ATP2B4: variants seen among roughly 807,000 people sequenced by gnomAD.
ATP2B4 encodes the protein plasma membrane calcium-transporting ATPase 4.
A neutral mutation model predicts 110.3 loss-of-function variants in ATP2B4; 39 were observed. The ratio of observed to expected loss-of-function variants is 0.35; its 90% CI spans 0.27 to 0.46. The LOEUF is 0.46. Ranked by LOEUF, ATP2B4 falls within the 20% of genes least tolerant of loss-of-function variation. The probability of loss-of-function intolerance (pLI) is 1.00; values close to 1 mark genes in which losing one functional copy is unlikely to be tolerated. For missense variants in ATP2B4, 1,135 were observed against 1,530.9 expected (o/e 0.74, Z 4.32); for synonymous variants, 538 against 571.7 (o/e 0.94, Z 0.84).
At chr1:203,679,128 C>A (rs915502397) in intron 1 of ATP2B4, among the ~76,000 whole-genome samples, 1 of 151,862 alleles carries the variant, frequency 6.6e-6, no homozygotes, top group African/African-American at 2.4e-5. Context: ...ATGCCCCAAG[C>A]CGAATGACTA....
At chr1:203,706,924 G>T (rs1665865142) in intron 8 of ATP2B4, 85 bp from the exon 9 acceptor site, 33 of 1,185,398 alleles carry the variant, frequency 2.8e-5, no homozygotes. Flanking sequence ...GGCAACAAAG[G>T]CTACAACTGA....
rs146667153 is a variant in ATP2B4 at position 203,723,422 on chromosome 1, C to A, written c.3025-459C>A. Among the ~76,000 whole-genome samples, 521 of 86,696 alleles carry A rather than the reference C, an allele frequency of 6.0e-3. 9 individuals carry two copies. The highest frequency in any genetic ancestry group is 0.023 in the African/African-American group (450 of 19,770). 56.9% of individuals were successfully genotyped at this position (86,696 alleles called of 152,430 possible). On this transcript the variant is annotated intron_variant, in intron 18 of 20. Coordinates refer to ENST00000357681, the MANE Select transcript of ATP2B4 (RefSeq NM_001684.5). ...TTTTTTTTTCGTTTGAGACAGATAT[C>A]TCTCTCTCTCTCTCTCTCTCTCTCT...
intron 20 of ATP2B4, 137 bp from the exon 21 acceptor site, chr1:203,739,409 G>A (rs2102244181): frequency 1.2e-6 from 1 of 820,540 alleles, no homozygotes; most frequent in African/African-American, 1.7e-5. Context: ...CTTCTGATGT[G>A]TGTTTGGTTT....
chr1:203,713,448 G>GTTT (rs779704853), intron 14 of ATP2B4, among the ~76,000 whole-genome samples, 196 bp downstream of exon 14: 8 of 151,808 alleles, frequency 5.3e-5, no homozygotes, highest in African/African-American at 1.9e-4. Context: ...AAGTTGTTGG[G>GTTT]TTTTTATTTT....
chr1:203,703,198 A>G (rs1665747208), intron 7 of ATP2B4, among the ~76,000 whole-genome samples: 1 of 148,956 alleles, frequency 6.7e-6, no homozygotes, highest in Non-Finnish European at 1.5e-5. Context: ...AGAGAGAGAG[A>G]TAAACCATTT....
Position 203,683,378 on chromosome 1 carries a change from T to C in ATP2B4, c.173T>C (p.Leu58Pro). 6.2e-7 allele frequency: 1 copy of C among 1,611,268 alleles called. No individual in the cohort carries two copies. The highest frequency in any genetic ancestry group is 8.5e-7 in the Non-Finnish European group (1 of 1,178,330). Reference protein sequence around the residue: ...YGGVQNLCSRLKTSPVEGLSG... With the variant: ...YGGVQNLCSRPKTSPVEGLSG... The stretch of plus-strand genomic sequence containing the variant: ...GGTGTACAGAATCTCTGCAGTAGAC[T>C]GAAAACCTCCCCTGTGGAAGGTAAA... The change falls in exon 2 of 21, where the codon CTG becomes CCG. Residue 58 changes from leucine (L) to proline (P), a missense_variant. By Grantham distance (98) the Leu-to-Pro change is moderately conservative. This residue lies in a region of ATP2B4 where 122 missense variants were observed against 125.2 expected (regional missense o/e 0.97). Coordinates refer to ENST00000357681, the MANE Select transcript of ATP2B4 (RefSeq NM_001684.5).
At chr1:203,698,404 C>T (rs775355177) in intron 3 of ATP2B4, 50 bp downstream of exon 3, 8 of 1,579,194 alleles carry the variant, frequency 5.1e-6, no homozygotes, top group African/African-American at 2.7e-5. Flanking sequence ...TTCTTTCCAC[C>T]ACCACCACCA....
intron 1 of ATP2B4, among the ~76,000 whole-genome samples, chr1:203,664,667 G>A (rs1035866256): frequency 2.6e-5 from 4 of 152,114 alleles, no homozygotes; most frequent in African/African-American, 9.7e-5. Flanking sequence ...GGGGCCCCAC[G>A]GGGCTGGCCA....
chr1:203,717,795 ACC>A (rs1273170654), intron 15 of ATP2B4, among the ~76,000 whole-genome samples: 1 of 151,978 alleles, frequency 6.6e-6, no homozygotes, highest in Non-Finnish European at 1.5e-5. Context: ...GGCAGCTGCC[ACC>A]AAGCCTGGCT....
At chr1:203,729,729 T>C in intron 20 of ATP2B4, 6 of 1,352,726 alleles carry the variant, frequency 4.4e-6, no homozygotes, top group Non-Finnish European at 4.9e-6. Flanking sequence ...CCCTGAGCAC[T>C]TCTCCGTGTT....
At position 203,711,941 on chromosome 1, in the gene ATP2B4, C is replaced by A; in HGVS notation, c.2032-19C>A. 2 of 1,612,148 alleles carry A rather than the reference C, an allele frequency of 1.2e-6. No individual in the cohort carries two copies. Among genetic ancestry groups the A allele is most frequent in the Non-Finnish European group, 1.7e-6 (2 of 1,178,688 alleles). ...CATCACCCTCATCTGCGCCTTTCCC[C>A]TTTCTTCACTCTCCATAGGTGCCAG... On this transcript the variant is annotated intron_variant, in intron 12 of 20. Transcript: ENST00000357681.
In ATP2B4 at chr1:203,741,300, A is replaced by G. The variant is rs1666991699; in HGVS notation, c.*1446A>G. On this transcript the variant is annotated 3_prime_UTR_variant, in exon 21 of 21. Transcript: ENST00000357681. ...CAGCCACATGCTCCAGCTGCTGCCC[A>G]GTAAAGCCCTGTGCCTTTTTTTCCC... The G allele has an allele frequency of 6.6e-6, 1 of 152,528 alleles. No individual in the cohort carries two copies. 9.4% of individuals were successfully genotyped at this position (152,528 alleles called of 1,614,324 possible).
At chr1:203,730,855 G>A (rs1666684167) in intron 20 of ATP2B4, among the ~76,000 whole-genome samples, 1 of 152,220 alleles carries the variant, frequency 6.6e-6, no homozygotes, top group African/African-American at 2.4e-5. Context: ...CATCCAGGAT[G>A]CACCTGACTC....
At chr1:203,685,133 G>A (rs905142384) in intron 2 of ATP2B4, among the ~76,000 whole-genome samples, 1 of 152,188 alleles carries the variant, frequency 6.6e-6, no homozygotes, top group African/African-American at 2.4e-5. Context: ...TTACAGGTAT[G>A]AGCCACTGCG....
At chr1:203,644,128 T>C (rs1663717885) in intron 1 of ATP2B4, among the ~76,000 whole-genome samples, 1 of 151,896 alleles carries the variant, frequency 6.6e-6, no homozygotes, top group Non-Finnish European at 1.5e-5. Context: ...CAAGTGCCTA[T>C]AGTCTCAGCT....
chr1:203,658,983 G>A (rs961740416), intron 1 of ATP2B4, among the ~76,000 whole-genome samples: 1 of 151,830 alleles, frequency 6.6e-6, no homozygotes, highest in Admixed American at 6.6e-5. Flanking sequence ...CAGCCTGGGT[G>A]ACAAAGTGAG....
intron 1 of ATP2B4, among the ~76,000 whole-genome samples, chr1:203,628,627 G>T (rs1462583458): frequency 1.3e-5 from 2 of 152,066 alleles, no homozygotes; most frequent in African/African-American, 4.8e-5. Context: ...AGAGACCCTG[G>T]CCCTGCTCCT....
chr1:203,671,123 C>T lies in ATP2B4; in HGVS notation c.-464-11619C>T, dbSNP rs149938755. On this transcript the variant is annotated intron_variant, in intron 1 of 20. Transcript: ENST00000357681. ...GGGAGAAGGGGTTGATAAATTCCTG[C>T]AGCATCTTTATATTCCAACTAGCTG... Among the ~76,000 whole-genome samples the T allele has an allele frequency of 8.5e-3, 1,289 of 152,314 alleles. 72 individuals are homozygous for T. The highest frequency in any genetic ancestry group is 0.08 in the Admixed American group (1,222 of 15,290).
chr1:203,726,601 A>C (rs1470942791), intron 19 of ATP2B4, among the ~76,000 whole-genome samples: 1 of 152,056 alleles, frequency 6.6e-6, no homozygotes, highest in Non-Finnish European at 1.5e-5. Flanking sequence ...CCACATTCAG[A>C]GGCAGAGCTC....
Sources: allele counts gnomAD v4.1 joint callset (sites outside exome capture counted in the v4.1 genomes callset), GRCh38; gene constraint gnomAD v4.1.1; regional missense constraint gnomAD v4.1.1; transcripts MANE v1.5; gene names NCBI Gene and HGNC (gene_info 2026-07-23, HGNC 2026-07-21).